DPP6: variants seen among roughly 807,000 people sequenced by gnomAD.
DPP6 encodes dipeptidyl peptidase like 6, also known as A-type potassium channel modulatory protein DPP6.
In DPP6, 69 loss-of-function variants were observed where a neutral mutation model predicts 122.6. That is an observed-to-expected ratio of 0.56 (90% CI 0.46 to 0.69). The LOEUF (loss-of-function observed/expected upper bound fraction) is 0.69. Among genes scored for constraint, DPP6 ranks in the 30% least tolerant of loss-of-function variants. The probability of loss-of-function intolerance (pLI) is 0.00; values close to 1 mark genes in which losing one functional copy is unlikely to be tolerated. For synonymous variants in DPP6, 418 were observed against 433.1 expected (o/e 0.97, Z 0.43); for missense variants, 928 against 1,116.9 (o/e 0.83, Z 2.41).
chr7:154,008,659 T>C (rs1798018348), intron 1 of DPP6, among the ~76,000 whole-genome samples: 1 of 66,134 alleles, frequency 1.5e-5, no homozygotes, highest in African/African-American at 8.6e-5. Flanking sequence ...ATTTCTTTTC[T>C]TTTTTTTTTT....
At chr7:154,001,061 C>G (rs1243161665) in intron 1 of DPP6, among the ~76,000 whole-genome samples, 1 of 152,116 alleles carries the variant, frequency 6.6e-6, no homozygotes, top group Non-Finnish European at 1.5e-5. Flanking sequence ...TGCTGACCAG[C>G]TCCTTCCATC....
At chr7:153,762,932 T>C in the DPP6 span, among the ~76,000 whole-genome samples, 1 of 152,098 alleles carries the variant, frequency 6.6e-6, no homozygotes, top group African/African-American at 2.4e-5. Context: ...GCCAATCAAA[T>C]CCTCTCTTTT....
chr7:154,885,802 G>T, intron 22 of DPP6, 58 bp downstream of exon 22: 1 of 1,537,730 alleles, frequency 6.5e-7, no homozygotes, highest in Non-Finnish European at 8.8e-7. Context: ...CCCGCCCCCT[G>T]CCTGCGTGGC....
At position 154,748,662 on chromosome 7, in the gene DPP6, G is replaced by A. The variant is rs1001313437; in HGVS notation, c.884-20755G>A. ...ACAGCCTGCCTCTGGAGTTTCTCGC[G>A]CATGGCGGTAAGCAGGGCCAGGCCT... is the stretch of plus-strand genomic sequence containing the variant. On this transcript the variant is annotated intron_variant, in intron 8 of 25. Transcript: ENST00000377770. Among the ~76,000 whole-genome samples, 6 of 152,288 alleles carry A rather than the reference G, an allele frequency of 3.9e-5. No individual in the cohort carries two copies. In the South Asian group the frequency reaches 6.2e-4, roughly 16 times the overall value.
intron 1 of DPP6, among the ~76,000 whole-genome samples, chr7:154,276,318 T>A (rs1384641092): frequency 6.6e-6 from 1 of 152,214 alleles, no homozygotes; most frequent in Non-Finnish European, 1.5e-5. Context: ...CTGTGCTACT[T>A]GATGTTAATG....
At chr7:154,852,373 C>T (rs1358069028) in intron 16 of DPP6, among the ~76,000 whole-genome samples, 2 of 152,274 alleles carry the variant, frequency 1.3e-5, no homozygotes, top group African/African-American at 2.4e-5. Context: ...CCACAGTGTT[C>T]CCACAGTGCA....
chr7:154,234,068 T>A (rs927017319), intron 1 of DPP6, among the ~76,000 whole-genome samples: 1 of 152,144 alleles, frequency 6.6e-6, no homozygotes, highest in Non-Finnish European at 1.5e-5. Context: ...GAAAGCATAT[T>A]TGGGGTGGCT....
intron 16 of DPP6, among the ~76,000 whole-genome samples, chr7:154,827,652 G>A (rs554216048): frequency 6.7e-6 from 1 of 149,482 alleles, no homozygotes; most frequent in East Asian, 2.0e-4. Flanking sequence ...TCCCAGAAAG[G>A]ACGGCTGGCA....
the DPP6 span, among the ~76,000 whole-genome samples, chr7:153,795,301 T>C: frequency 4.6e-5 from 7 of 152,138 alleles, no homozygotes; most frequent in African/African-American, 1.7e-4. Flanking sequence ...TTTAGTCCCA[T>C]CTACTCAGGA....
chr7:153,897,109 G>A (rs1236810685), intron 1 of DPP6, among the ~76,000 whole-genome samples: 1 of 152,078 alleles, frequency 6.6e-6, no homozygotes, highest in Non-Finnish European at 1.5e-5. Flanking sequence ...TATTATGTTA[G>A]AACAACCCAT....
At chr7:154,138,116 G>T (rs1271312589) in intron 1 of DPP6, among the ~76,000 whole-genome samples, 1 of 152,138 alleles carries the variant, frequency 6.6e-6, no homozygotes, top group Non-Finnish European at 1.5e-5. Flanking sequence ...TGCAAACGAG[G>T]TGTTTTTGTG....
At chr7:154,114,640 C>T (rs948213529) in intron 1 of DPP6, among the ~76,000 whole-genome samples, 31 of 152,160 alleles carry the variant, frequency 2.0e-4, no homozygotes, top group Non-Finnish European at 2.6e-4. Flanking sequence ...CATCCAACTC[C>T]GTTGCTCAAC....
chr7:154,630,796 C>T (rs1835361078), intron 5 of DPP6, among the ~76,000 whole-genome samples: 1 of 151,728 alleles, frequency 6.6e-6, no homozygotes, highest in Non-Finnish European at 1.5e-5. Flanking sequence ...GGATGGGAGG[C>T]AAGGGGAGGG....
At chr7:154,729,498 G>A (rs1211084669) in intron 8 of DPP6, among the ~76,000 whole-genome samples, 2 of 152,194 alleles carry the variant, frequency 1.3e-5, no homozygotes, top group East Asian at 1.9e-4. Context: ...ATAATAAAAT[G>A]TACATCAGAA....
chr7:154,296,116 T>G (rs1424681166), intron 1 of DPP6, among the ~76,000 whole-genome samples: 1 of 151,836 alleles, frequency 6.6e-6, no homozygotes, highest in Non-Finnish European at 1.5e-5. Flanking sequence ...GCTAATTTTT[T>G]GTATTTTTTA....
chr7:154,780,661 C>T (rs567688168), intron 10 of DPP6, among the ~76,000 whole-genome samples: 5 of 152,322 alleles, frequency 3.3e-5, no homozygotes, highest in South Asian at 2.1e-4. Context: ...AAGTGACATC[C>T]GCAGTTTCTT....
At chr7:154,856,272 T>C (rs578193512) in intron 17 of DPP6, among the ~76,000 whole-genome samples, 2 of 152,292 alleles carry the variant, frequency 1.3e-5, no homozygotes, top group South Asian at 2.1e-4. Flanking sequence ...CAAAGGTTAA[T>C]ATAGTCCCTA....
intron 5 of DPP6, among the ~76,000 whole-genome samples, chr7:154,623,598 C>T (rs568707749): frequency 1.5e-3 from 209 of 142,274 alleles, no homozygotes; most frequent in African/African-American, 5.3e-3. Flanking sequence ...CGCACACACA[C>T]GCTGACACAC....
At chr7:153,791,462 AGGCTGGAGTGCAATGGCAGGATCTT>A in the DPP6 span, among the ~76,000 whole-genome samples, 6 of 92,488 alleles carry the variant, frequency 6.5e-5, no homozygotes, top group East Asian at 2.2e-3. Context: ...ATTGTTTCCC[AGGCTGGAGTGCAATGGCAGGATCTT>A]GGCTCACTGC....
Sources: allele counts gnomAD v4.1 joint callset (sites outside exome capture counted in the v4.1 genomes callset), GRCh38; gene constraint gnomAD v4.1.1; transcripts MANE v1.5; gene names NCBI Gene and HGNC (gene_info 2026-07-23, HGNC 2026-07-21).